The following AK5 variants were observed in gnomAD, a reference collection of about 807,000 sequenced individuals.
AK5 encodes adenylate kinase isoenzyme 5.
A neutral mutation model predicts 69.5 loss-of-function variants in AK5; 27 were observed. That is an observed-to-expected ratio of 0.39 (90% CI 0.29 to 0.54). The LOEUF is 0.54. Ranked by LOEUF, AK5 falls within the 20% of genes least tolerant of loss-of-function variation. The pLI is 0.71. For synonymous variants in AK5, 260 were observed against 244.4 expected, an observed-to-expected ratio of 1.06 and a Z score of -0.60; for missense variants, 531 against 700.4, an observed-to-expected ratio of 0.76 and a Z score of 2.73.
At chr1:77,435,915 C>T (rs1385630051) in intron 8 of AK5, among the ~76,000 whole-genome samples, 2 of 152,138 alleles carry the variant, frequency 1.3e-5, no homozygotes, top group African/African-American at 4.8e-5. Flanking sequence ...ACACACAAAA[C>T]TCCTTTTATA....
intron 8 of AK5, among the ~76,000 whole-genome samples, chr1:77,433,657 C>G (rs573902718): frequency 6.6e-6 from 1 of 152,050 alleles, no homozygotes; most frequent in Non-Finnish European, 1.5e-5. Context: ...CATTTTTGTT[C>G]ACAAATGTTT....
intron 12 of AK5, among the ~76,000 whole-genome samples, chr1:77,525,331 T>C (rs1225118039): frequency 1.3e-5 from 2 of 152,246 alleles, no homozygotes; most frequent in Non-Finnish European, 2.9e-5. Flanking sequence ...TTGACATTTA[T>C]GTTAGTCCGT....
At chr1:77,355,490 A>G (rs1662464119) in intron 6 of AK5, among the ~76,000 whole-genome samples, 1 of 152,130 alleles carries the variant, frequency 6.6e-6, no homozygotes, top group Non-Finnish European at 1.5e-5. Flanking sequence ...TCAAAATGGC[A>G]TTCTCTGCAG....
At position 77,485,970 on chromosome 1, in the gene AK5, A is replaced by G. The variant is rs547047997; in HGVS notation, c.1103-338A>G. Among the ~76,000 whole-genome samples the G allele has an allele frequency of 7.2e-5, 11 of 152,262 alleles. No individual in the cohort carries two copies. In the South Asian group the frequency reaches 2.3e-3, roughly 32 times the overall value. The stretch of plus-strand genomic sequence containing the variant: ...CCTCTTTAATAAAAATACAAAAAGT[A>G]GCCAGGTGTGGTGGCATGCCTATAA... On this transcript the variant is annotated intron_variant, in intron 9 of 13. Coordinates refer to ENST00000354567, the MANE Select transcript of AK5 (RefSeq NM_174858.3).
chr1:77,340,565 G>T lies in AK5; in HGVS notation c.888G>T (p.Met296Ile). The change falls in exon 6 of 14, where the codon ATG (methionine) becomes ATT (isoleucine). Residue 296 changes from methionine to isoleucine, a missense_variant. Coordinates refer to ENST00000354567, the MANE Select transcript of AK5 (RefSeq NM_174858.3). ...ACTTCCAGGAAAAGGGGCTCATCAT[G>T]ACAGTAAGTTAGCTCGACTTTTACA... The part of the protein sequence containing the change: ...VKYFQEKGLI[M>I]TFDADRDEDE... 6.2e-7 allele frequency: 1 copy of T among 1,613,564 alleles called. No homozygotes were observed. The highest frequency in any genetic ancestry group is 8.5e-7 in the Non-Finnish European group (1 of 1,179,710).
intron 8 of AK5, among the ~76,000 whole-genome samples, chr1:77,446,542 A>G (rs1402232200): frequency 1.3e-5 from 2 of 152,176 alleles, no homozygotes; most frequent in Non-Finnish European, 2.9e-5. Flanking sequence ...CACAATATTA[A>G]TTACTCTGAT....
At chr1:77,372,262 A>C (rs1008652523) in intron 6 of AK5, among the ~76,000 whole-genome samples, 2 of 152,214 alleles carry the variant, frequency 1.3e-5, no homozygotes, top group African/African-American at 2.4e-5. Context: ...TTGCACAACA[A>C]ATAGAAATGG....
intron 8 of AK5, among the ~76,000 whole-genome samples, chr1:77,440,494 C>T (rs1020030319): frequency 6.6e-6 from 1 of 152,140 alleles, no homozygotes; most frequent in Non-Finnish European, 1.5e-5. Context: ...TTTGAGCTTC[C>T]TGGATTTGAA....
At chr1:77,431,518 A>G (rs1166074363) in intron 8 of AK5, among the ~76,000 whole-genome samples, 1 of 152,160 alleles carries the variant, frequency 6.6e-6, no homozygotes, top group African/African-American at 2.4e-5. Context: ...AGTGGTAATG[A>G]GCTGAGGATT....
chr1:77,388,977 G>C (rs1648236376), intron 6 of AK5, among the ~76,000 whole-genome samples: 1 of 152,196 alleles, frequency 6.6e-6, no homozygotes, highest in African/African-American at 2.4e-5. Flanking sequence ...AGCAGAGCTA[G>C]CTCCGAAATG....
In AK5 at chr1:77,373,427, G is replaced by A. The variant is rs762343213; in HGVS notation, c.891+32859G>A. On this transcript the variant is annotated intron_variant, in intron 6 of 13. Coordinates refer to ENST00000354567, the MANE Select transcript of AK5 (RefSeq NM_174858.3). ...TTGCTGAGGTAGTGAGTGAATATGTGAATTAACATATGATTGAGGCCAGCT... is the reference window on the plus strand; with the variant it reads ...TTGCTGAGGTAGTGAGTGAATATGTAAATTAACATATGATTGAGGCCAGCT... 5.9e-5 allele frequency among the ~76,000 whole-genome samples: 9 copies of A among 152,260 alleles called. No homozygotes were observed. In the Middle Eastern group the frequency reaches 0.01, roughly 173 times the overall value.
intron 5 of AK5, among the ~76,000 whole-genome samples, chr1:77,316,482 T>TA (rs1386719238): frequency 2.0e-5 from 3 of 152,104 alleles, no homozygotes; most frequent in Admixed American, 2.0e-4. Flanking sequence ...TATGGTTTTT[T>TA]AAAAAACGTT....
intron 3 of AK5, among the ~76,000 whole-genome samples, chr1:77,294,971 G>A (rs1658905456): frequency 6.6e-6 from 1 of 152,048 alleles, no homozygotes; most frequent in South Asian, 2.1e-4. Context: ...CAAGGTTGCA[G>A]TGAACTCCAC....
intron 10 of AK5, among the ~76,000 whole-genome samples, chr1:77,504,695 G>A (rs369991479): frequency 1.2e-4 from 18 of 152,246 alleles, no homozygotes; most frequent in African/African-American, 3.9e-4. Context: ...AAAATTGAAC[G>A]TGACCAGAAC....
At chr1:77,520,941 C>T (rs925266450) in intron 11 of AK5, among the ~76,000 whole-genome samples, 2 of 152,152 alleles carry the variant, frequency 1.3e-5, no homozygotes, top group East Asian at 1.9e-4. Flanking sequence ...CAGCTGATTG[C>T]GTTTTTCCTC....
chr1:77,515,737 C>T (rs1366173471), intron 10 of AK5, among the ~76,000 whole-genome samples: 1 of 152,030 alleles, frequency 6.6e-6, no homozygotes, highest in Non-Finnish European at 1.5e-5. Context: ...GGGCTGAGGA[C>T]GACCTTGATC....
chr1:77,504,166 AT>A (rs1656892344), intron 10 of AK5, among the ~76,000 whole-genome samples: 1 of 151,604 alleles, frequency 6.6e-6, no homozygotes, highest in Non-Finnish European at 1.5e-5. Flanking sequence ...GATTCCTCAC[AT>A]TTTCTTGTGG....
At chr1:77,550,720 T>C (rs1235842110) in intron 13 of AK5, among the ~76,000 whole-genome samples, 1 of 152,270 alleles carries the variant, frequency 6.6e-6, no homozygotes, top group Non-Finnish European at 1.5e-5. Context: ...ATGCCACTTA[T>C]TCTCTTAAAA....
chr1:77,552,331 G>A (rs749024287), intron 13 of AK5, among the ~76,000 whole-genome samples: 4 of 152,096 alleles, frequency 2.6e-5, no homozygotes, highest in Non-Finnish European at 4.4e-5. Flanking sequence ...TTCTGTTGCC[G>A]TAGTCCCTAT....
Sources: allele counts gnomAD v4.1 joint callset (sites outside exome capture counted in the v4.1 genomes callset), GRCh38; gene constraint gnomAD v4.1.1; transcripts MANE v1.5; gene names NCBI Gene and HGNC (gene_info 2026-07-23, HGNC 2026-07-21).